The following SLC38A10 variants were observed in gnomAD, a reference collection of about 807,000 sequenced individuals.
SLC38A10 encodes Sodium-coupled neutral amino acid transporter 10.
SLC38A10 carries 53 observed loss-of-function variants against 81.0 expected under a neutral mutation model. The ratio of observed to expected loss-of-function variants is 0.65; its 90% CI spans 0.53 to 0.82. The LOEUF (loss-of-function observed/expected upper bound fraction) is 0.82, where lower values mean the gene tolerates loss of function less well. SLC38A10 is among the 40% of genes least tolerant of loss of function. SLC38A10 has a pLI of 0.00. For missense variants in SLC38A10, 1,471 were observed against 1,545.0 expected (o/e 0.95, Z 0.80); for synonymous variants, 665 against 655.3 (o/e 1.01, Z -0.23).
In SLC38A10 at chr17:81,270,096, C is replaced by G. The variant is rs1451939611; in HGVS notation, c.1131+822G>C. On this transcript the variant is annotated intron_variant, in intron 10 of 15. Coordinates refer to ENST00000374759, the MANE Select transcript of SLC38A10 (RefSeq NM_001037984.3). This position sits in a 1 kb window ranked among gnomAD's most constrained non-coding sequence, Gnocchi z 4.0. Reference sequence around the variant, plus strand: ...GCTTCTAAACCCATGAAAAGACACTCAAGTTCCCGCCAGAGAGGCCAAGAA... The same window carrying G: ...GCTTCTAAACCCATGAAAAGACACTGAAGTTCCCGCCAGAGAGGCCAAGAA... Among the ~76,000 whole-genome samples the G allele has an allele frequency of 6.6e-6, 1 of 152,200 alleles. No individual in the cohort carries two copies. The highest frequency in any genetic ancestry group is 1.5e-5 in the Non-Finnish European group (1 of 68,042).
chr17:81,294,893 C>T lies in SLC38A10; in HGVS notation c.29G>A (p.Gly10Glu). The stretch of plus-strand genomic sequence containing the variant: ...GCTGTTCACGATGTTCGTGATCAGC[C>T]CCCAGTTGGAGGCGGCGGCCGCGGT... MTAAAASNW[G>E]LITNIVNSIV... is the part of the protein sequence containing the mutation. The change falls in exon 1 of 16, where the codon GGG becomes GAG. Residue 10 changes from glycine to glutamate, a missense_variant. Coordinates refer to ENST00000374759, the MANE Select transcript of SLC38A10 (RefSeq NM_001037984.3). 6.3e-7 allele frequency: 1 copy of T among 1,593,400 alleles called. No individual in the cohort carries two copies. Among genetic ancestry groups the T allele is most frequent in the Non-Finnish European group, 8.5e-7 (1 of 1,171,502 alleles).
rs991732513 is a variant in SLC38A10, at chr17:81,289,279, T to G, written c.217+412A>C. 5.9e-5 allele frequency among the ~76,000 whole-genome samples: 9 copies of G among 152,038 alleles called. No individual in the cohort carries two copies. The highest frequency in any genetic ancestry group is 1.9e-4 in the African/African-American group (8 of 41,380). ...CTCGTCTCGAACTCCTGACCTCAAA[T>G]AATCCGCCTGCCTCGGCCTGCCAAA... is the stretch of plus-strand genomic sequence containing the variant. On this transcript the variant is annotated intron_variant, in intron 2 of 15. Transcript: ENST00000374759. The surrounding 1 kb of genome is among the most constrained non-coding windows in gnomAD (Gnocchi z 5.9).
chr17:81,246,834 A>G (rs746492678), intron 15 of SLC38A10, 51 bp downstream of exon 15: 2 of 1,540,474 alleles, frequency 1.3e-6, no homozygotes, highest in Non-Finnish European at 1.8e-6. Flanking sequence ...TGAGGACAGC[A>G]GGAGACCCCC....
In SLC38A10 at chr17:81,284,592, T is replaced by C. The variant is rs564173086; in HGVS notation, c.263+258A>G. On this transcript the variant is annotated intron_variant, in intron 3 of 15. Transcript: ENST00000374759. The stretch of plus-strand genomic sequence containing the variant: ...CCTTTATGCAGCGGTGTTTGAGGGG[T>C]AGGTGAGGTGCTGAGGAATGGTGTT... 3.5e-4 allele frequency among the ~76,000 whole-genome samples: 53 copies of C among 151,646 alleles called. No homozygotes were observed. The East Asian group carries it at 0.01, about 29-fold the overall frequency.
At position 81,260,936 on chromosome 17, in the gene SLC38A10, G is replaced by A. The variant is rs370925081; in HGVS notation, c.1132-542C>T. ...CTGCACAACCCGCAAGGCTGGCCCC[G>A]TGCAGCAGACGCAGGCCCGTGCGCA... is the stretch of plus-strand genomic sequence containing the variant. On this transcript the variant is annotated intron_variant, in intron 10 of 15. Transcript: ENST00000374759. 2.3e-3 allele frequency among the ~76,000 whole-genome samples: 353 copies of A among 152,364 alleles called. 4 individuals carry two copies. Among genetic ancestry groups the A allele is most frequent in the African/African-American group, 8.2e-3 (341 of 41,598 alleles).
intron 8 of SLC38A10, among the ~76,000 whole-genome samples, chr17:81,275,687 G>A (rs928698487): frequency 4.5e-5 from 6 of 134,370 alleles, no homozygotes; most frequent in Non-Finnish European, 4.6e-5. Context: ...AGTCGAGATC[G>A]CGCCACTGCA....
chr17:81,283,947 C>T lies in SLC38A10; in HGVS notation c.264-445G>A, dbSNP rs953288032. ...TTCAAACGCGCCCCAGTTCACAGGG[C>T]GCGGGCAGGTTCTGTGGCGCTCGCT... On this transcript the variant is annotated intron_variant, in intron 3 of 15. Transcript: ENST00000374759. This position sits in a 1 kb window ranked among gnomAD's most constrained non-coding sequence, Gnocchi z 4.7. Among the ~76,000 whole-genome samples the T allele has an allele frequency of 3.3e-5, 5 of 151,664 alleles. No homozygotes were observed. The highest frequency in any genetic ancestry group is 6.6e-5 in the Admixed American group (1 of 15,206).
At chr17:81,255,856 G>A (rs553729660) in intron 11 of SLC38A10, among the ~76,000 whole-genome samples, 44 of 152,312 alleles carry the variant, frequency 2.9e-4, no homozygotes, top group African/African-American at 6.5e-4. Context: ...GTGGTGCCGC[G>A]CCTGTATTCT....
In SLC38A10 at chr17:81,276,689, C is replaced by T. The variant is rs187224224; in HGVS notation, c.729+342G>A. Among the ~76,000 whole-genome samples the T allele has an allele frequency of 9.3e-3, 1,412 of 151,934 alleles. 12 individuals are homozygous for T. Among genetic ancestry groups the T allele is most frequent in the Non-Finnish European group, 0.015 (1,014 of 67,936 alleles). ...ACAGGTGTGAGCAACGGCGCCCGGC[C>T]GGAACATGCCCATTTCTACAGAGAA... On this transcript the variant is annotated intron_variant, in intron 7 of 15. Coordinates refer to ENST00000374759, the MANE Select transcript of SLC38A10 (RefSeq NM_001037984.3). The surrounding 1 kb of genome is among the most constrained non-coding windows in gnomAD (Gnocchi z 4.7).
intron 8 of SLC38A10, among the ~76,000 whole-genome samples, chr17:81,273,665 G>A (rs137875519): frequency 6.6e-6 from 1 of 152,196 alleles, no homozygotes; most frequent in South Asian, 2.1e-4. Context: ...CCATGGAGGT[G>A]GGGGGTTAGG....
chr17:81,283,469 G>A lies in SLC38A10; in HGVS notation c.297C>T (p.Ala99=), dbSNP rs373226090. The change falls in exon 4 of 16, where the codon GCC becomes GCT. Residue 99 remains alanine (A), a synonymous_variant. Transcript: ENST00000374759. This position sits in a 1 kb window ranked among gnomAD's most constrained non-coding sequence, Gnocchi z 4.7. ...CCAAGTCGCCGATCACGACGTAGAA[G>A]GCGATGCAGGTGCCCAGCATCAGCC... ...MIGLMLGTCI[A]FYVVIGDLGS... 2.5e-6 allele frequency: 4 copies of A among 1,612,122 alleles called. No individual in the cohort carries two copies. The African/African-American group carries it at 4.0e-5, about 16-fold the overall frequency.
chr17:81,295,103 TGGAGG>T lies in SLC38A10; in HGVS notation c.-187_-183del. On this transcript the variant is annotated 5_prime_UTR_variant, in exon 1 of 16. Coordinates refer to ENST00000374759, the MANE Select transcript of SLC38A10 (RefSeq NM_001037984.3). Reference sequence around the variant, plus strand: ...GCGGGCGCGGGCCCCAGAGGCTGCCTGGAGGAGGCAGCCTCGAAGGCCGGCTGCGG... The same window carrying T: ...GCGGGCGCGGGCCCCAGAGGCTGCCTAGGCAGCCTCGAAGGCCGGCTGCGG... The T allele has an allele frequency of 6.2e-6, 7 of 1,135,306 alleles. No homozygotes were observed. The highest frequency in any genetic ancestry group is 7.8e-6 in the Non-Finnish European group (7 of 901,968). The allele number at this position is 1,135,306 out of a possible 1,614,324, so 70.3% of individuals were successfully genotyped here.
intron 1 of SLC38A10, among the ~76,000 whole-genome samples, chr17:81,293,867 C>T (rs2063328438): frequency 6.6e-6 from 1 of 152,212 alleles, no homozygotes; most frequent in African/African-American, 2.4e-5. Flanking sequence ...GCACTAAATG[C>T]TTGTTTATTG....
At position 81,279,093 on chromosome 17, in the gene SLC38A10, G is replaced by A. The variant is rs544202918; in HGVS notation, c.626+1516C>T. 9.2e-5 allele frequency among the ~76,000 whole-genome samples: 14 copies of A among 152,324 alleles called. No individual in the cohort carries two copies. The South Asian group carries it at 2.5e-3, about 27-fold the overall frequency. On this transcript the variant is annotated intron_variant, in intron 6 of 15. Transcript: ENST00000374759. Reference sequence around the variant, plus strand: ...TTGCAAGGCAGCCTCTGAGCCTCAGGGCCTACCAGAGTCAAATGGAGCCAT... The same window carrying A: ...TTGCAAGGCAGCCTCTGAGCCTCAGAGCCTACCAGAGTCAAATGGAGCCAT...
Position 81,286,652 on chromosome 17 carries a change from C to T in SLC38A10, c.218-1757G>A, listed in dbSNP as rs182186872. On this transcript the variant is annotated intron_variant, in intron 2 of 15. Coordinates refer to ENST00000374759, the MANE Select transcript of SLC38A10 (RefSeq NM_001037984.3). This position sits in a 1 kb window ranked among gnomAD's most constrained non-coding sequence, Gnocchi z 6.0. ...CAGTGCGGGCCCAGCCCCTGCCAGG[C>T]TGGAGGTATCTGTGAGCGGCGAGCT... Among the ~76,000 whole-genome samples, 24 of 152,320 alleles carry T rather than the reference C, an allele frequency of 1.6e-4. No homozygotes were observed. The East Asian group carries it at 3.9e-3, about 24-fold the overall frequency.
intron 6 of SLC38A10, among the ~76,000 whole-genome samples, chr17:81,279,459 G>A (rs1002218882): frequency 3.9e-5 from 6 of 152,278 alleles, no homozygotes; most frequent in African/African-American, 1.4e-4. Context: ...TCAGAGGTGG[G>A]GAGGTCAGCA....
At chr17:81,285,771 T>C in intron 2 of SLC38A10, 1 of 152,334 alleles carries the variant, frequency 6.6e-6, no homozygotes, top group Middle Eastern at 3.4e-3. Flanking sequence ...GTTTCCTTCC[T>C]CCCACGGGCT....
chr17:81,282,535 T>C (rs905366599), intron 4 of SLC38A10, among the ~76,000 whole-genome samples: 5 of 152,112 alleles, frequency 3.3e-5, no homozygotes, highest in African/African-American at 1.2e-4. Context: ...ACACTGGGTA[T>C]TTCCCCTCCC....
chr17:81,285,001 GC>G, intron 2 of SLC38A10, 106 bp from the exon 3 acceptor site: 1 of 944,466 alleles, frequency 1.1e-6, no homozygotes, highest in Non-Finnish European at 1.5e-6. Context: ...AAACCCACGG[GC>G]CCAGATTCTC....
Sources: gnomAD v4.1 joint callset for allele counts (sites outside exome capture counted in the v4.1 genomes callset) on GRCh38, gnomAD v4.1.1 for gene constraint, Gnocchi (gnomAD v3.1) non-coding constraint, MANE v1.5 for transcripts, NCBI Gene and HGNC (gene_info 2026-07-23, HGNC 2026-07-21) for gene names.